ATP8B4: variants seen among roughly 807,000 people sequenced by gnomAD.
ATP8B4 encodes the protein ATPase phospholipid transporting 8B4 (putative), also known as probable phospholipid-transporting ATPase IM.
In ATP8B4, 133 loss-of-function variants were observed where a neutral mutation model predicts 145.6. The observed-to-expected ratio is 0.91, with a 90% CI of 0.79 to 1.05. The LOEUF (loss-of-function observed/expected upper bound fraction) is 1.05, where lower values mean the gene tolerates loss of function less well. ATP8B4 is among the 50% of genes least tolerant of loss of function. ATP8B4 has a pLI of 0.00. For missense variants in ATP8B4, 1,458 were observed against 1,425.2 expected (o/e 1.02, Z -0.37); for synonymous variants, 507 against 492.9 (o/e 1.03, Z -0.38).
chr15:50,016,822 G>C (rs918216509), intron 6 of ATP8B4, among the ~76,000 whole-genome samples: 6 of 152,182 alleles, frequency 3.9e-5, no homozygotes, highest in Non-Finnish European at 5.9e-5. Context: ...CAGTCCTAAG[G>C]GGGGATGTGG....
At chr15:49,880,056 A>G (rs1316044476) in intron 23 of ATP8B4, 1 of 152,290 alleles carries the variant, frequency 6.6e-6, no homozygotes, top group Non-Finnish European at 1.5e-5. Flanking sequence ...AGGCATGTGA[A>G]GCAGGCATAT....
At chr15:50,019,628 C>T (rs1833829114) in intron 6 of ATP8B4, among the ~76,000 whole-genome samples, 1 of 152,188 alleles carries the variant, frequency 6.6e-6, no homozygotes, top group Non-Finnish European at 1.5e-5. Flanking sequence ...CTCACTTTCT[C>T]TACTTCTTGA....
intron 1 of ATP8B4, among the ~76,000 whole-genome samples, chr15:50,128,841 C>T (rs977169794): frequency 2.6e-5 from 4 of 152,108 alleles, no homozygotes; most frequent in Non-Finnish European, 1.5e-5. Flanking sequence ...GGGCGGAGTT[C>T]GAGAACTCAC....
At chr15:49,876,193 C>T (rs1037326902) in intron 25 of ATP8B4, 85 bp downstream of exon 25, 3 of 1,515,732 alleles carry the variant, frequency 2.0e-6, no homozygotes, top group African/African-American at 1.4e-5. Flanking sequence ...TTATTTCCCC[C>T]CAACAAGTAG....
intron 20 of ATP8B4, among the ~76,000 whole-genome samples, chr15:49,907,581 G>A (rs2038758890): frequency 6.6e-6 from 1 of 152,210 alleles, no homozygotes; most frequent in African/African-American, 2.4e-5. Flanking sequence ...GAATGAGGAA[G>A]GCAAGAAAGA....
chr15:50,111,477 G>A (rs2056938821), intron 1 of ATP8B4, among the ~76,000 whole-genome samples: 1 of 152,178 alleles, frequency 6.6e-6, no homozygotes, highest in Non-Finnish European at 1.5e-5. Flanking sequence ...TGTTTTGGGT[G>A]TGCTATTGAA....
intron 3 of ATP8B4, among the ~76,000 whole-genome samples, chr15:50,057,918 C>T (rs896600600): frequency 1.3e-5 from 2 of 151,828 alleles, no homozygotes; most frequent in East Asian, 1.9e-4. Context: ...GGTGTTTAGA[C>T]GTATATAACA....
chr15:49,860,248 C>G lies in ATP8B4; in HGVS notation c.3525G>C (p.Lys1175Asn), dbSNP rs2031378461. The change falls in exon 28 of 28, where the codon AAG becomes AAC. Residue 1175 changes from lysine (K) to asparagine (N), a missense_variant. By Grantham distance (94) the Lys-to-Asn change is moderately conservative. Coordinates refer to ENST00000284509, the MANE Select transcript of ATP8B4 (RefSeq NM_024837.4). ...AGCTGCTCACGGTGTCTGTGGTTTT[C>G]TTACATAAATTTTCAATCCAGCTAG... is the stretch of plus-strand genomic sequence containing the variant. ...NSTSWIENLC[K>N]KTTDTVSSFS... 6.2e-7 allele frequency: 1 copy of G among 1,614,130 alleles called. No individual in the cohort carries two copies. Among genetic ancestry groups the G allele is most frequent in the Non-Finnish European group, 8.5e-7 (1 of 1,179,984 alleles).
At chr15:50,111,578 C>T (rs1312389137) in intron 1 of ATP8B4, among the ~76,000 whole-genome samples, 2 of 152,168 alleles carry the variant, frequency 1.3e-5, no homozygotes, top group Admixed American at 6.5e-5. Flanking sequence ...CGGAGCTGTT[C>T]GGGGGGATGG....
intron 7 of ATP8B4, among the ~76,000 whole-genome samples, chr15:50,007,636 C>T (rs1356709965): frequency 6.6e-6 from 1 of 152,148 alleles, no homozygotes; most frequent in Non-Finnish European, 1.5e-5. Flanking sequence ...TTTTCATGAC[C>T]TTCATGACCT....
At chr15:49,917,861 T>A (rs981003901) in intron 19 of ATP8B4, among the ~76,000 whole-genome samples, 9 of 152,160 alleles carry the variant, frequency 5.9e-5, no homozygotes, top group Admixed American at 5.2e-4. Flanking sequence ...TAAATAATAG[T>A]AAACTCATGG....
chr15:50,073,984 A>T (rs2054012532), intron 3 of ATP8B4, 143 bp downstream of exon 3: 2 of 594,612 alleles, frequency 3.4e-6, no homozygotes, highest in East Asian at 2.9e-5. Flanking sequence ...ATCTGTATTT[A>T]TGGAAATATA....
At chr15:50,171,595 C>CA (rs1324226289) in intron 1 of ATP8B4, among the ~76,000 whole-genome samples, 1 of 152,044 alleles carries the variant, frequency 6.6e-6, no homozygotes, top group Non-Finnish European at 1.5e-5. Flanking sequence ...ACACCTACAT[C>CA]AAAAAGACTG....
In ATP8B4 at chr15:49,923,453, C is replaced by A; in HGVS notation, c.1684G>T (p.Ala562Ser). The A allele has an allele frequency of 6.2e-7, 1 of 1,612,612 alleles. No individual in the cohort carries two copies. Among genetic ancestry groups the A allele is most frequent in the South Asian group, 1.1e-5 (1 of 90,844 alleles). ...EGQIKLYSKG[A>S]DTILFEKLHP... ...AGTTTTTCAAACAGAATAGTATCTG[C>A]TCCTTTGGAATAAAGCTTTATCTGT... The change falls in exon 17 of 28, where the codon GCA (alanine) becomes TCA (serine). Residue 562 changes from alanine (A) to serine (S), a missense_variant. Physicochemically the swap from Ala to Ser is moderately conservative, Grantham distance 99 (BLOSUM62 1). Coordinates refer to ENST00000284509, the MANE Select transcript of ATP8B4 (RefSeq NM_024837.4).
chr15:50,140,288 C>T (rs930969199), intron 1 of ATP8B4, among the ~76,000 whole-genome samples: 1 of 152,148 alleles, frequency 6.6e-6, no homozygotes, highest in African/African-American at 2.4e-5. Context: ...TTCCAAGAAG[C>T]AAAGCCTAGT....
At chr15:50,085,003 G>A (rs1345556986) in intron 2 of ATP8B4, among the ~76,000 whole-genome samples, 2 of 152,192 alleles carry the variant, frequency 1.3e-5, no homozygotes, top group African/African-American at 4.8e-5. Context: ...ATTGGGGCAA[G>A]GGGTATTATT....
intron 21 of ATP8B4, 51 bp from the exon 22 acceptor site, chr15:49,898,302 G>C: frequency 2.6e-6 from 4 of 1,532,338 alleles, no homozygotes; most frequent in Non-Finnish European, 3.6e-6. Context: ...AATAAATGAG[G>C]GTTGAGAAAC....
intron 2 of ATP8B4, among the ~76,000 whole-genome samples, chr15:50,077,284 GTC>G (rs1223070271): frequency 1.3e-5 from 2 of 152,228 alleles, no homozygotes; most frequent in Non-Finnish European, 2.9e-5. Context: ...AGCAAGTTGA[GTC>G]TGTCTTTTTC....
intron 23 of ATP8B4, among the ~76,000 whole-genome samples, chr15:49,886,202 T>G (rs577524886): frequency 1.0e-3 from 154 of 152,300 alleles, no homozygotes; most frequent in Non-Finnish European, 1.9e-3. Flanking sequence ...AAAAGGAAGC[T>G]GGTGTCTTAA....
Sources: allele counts gnomAD v4.1 joint callset (sites outside exome capture counted in the v4.1 genomes callset), GRCh38; gene constraint gnomAD v4.1.1; transcripts MANE v1.5; gene names NCBI Gene and HGNC (gene_info 2026-07-23, HGNC 2026-07-21).